The following ADAMTSL3 variants were observed in gnomAD, a reference collection of about 807,000 sequenced individuals.
ADAMTSL3 encodes the protein ADAMTS like 3, also known as ADAMTS-like protein 3.
A neutral mutation model predicts 201.7 loss-of-function variants in ADAMTSL3; 128 were observed. The observed-to-expected ratio is 0.63, with a 90% CI of 0.55 to 0.73. ADAMTSL3 has a LOEUF of 0.73. Ranked by LOEUF, ADAMTSL3 falls within the 30% of genes least tolerant of loss-of-function variation. The pLI is 0.00. For missense variants in ADAMTSL3, 1,990 were observed against 2,119.6 expected (o/e 0.94, Z 1.20); for synonymous variants, 738 against 748.4 (o/e 0.99, Z 0.23).
At chr15:83,775,427 C>T (rs1282673293) in intron 4 of ADAMTSL3, among the ~76,000 whole-genome samples, 3 of 151,826 alleles carry the variant, frequency 2.0e-5, no homozygotes, top group South Asian at 2.1e-4. Context: ...CCACTTTCAT[C>T]CTATTGTCAT....
At chr15:83,715,163 A>G (rs1283678959) in intron 3 of ADAMTSL3, among the ~76,000 whole-genome samples, 1 of 152,088 alleles carries the variant, frequency 6.6e-6, no homozygotes, top group African/African-American at 2.4e-5. Context: ...GTTTCAAGAA[A>G]ACACAATGCA....
intron 4 of ADAMTSL3, among the ~76,000 whole-genome samples, chr15:83,777,448 G>C (rs1189263814): frequency 2.0e-5 from 3 of 152,136 alleles, no homozygotes; most frequent in Non-Finnish European, 1.5e-5. Flanking sequence ...AACAAAGTTG[G>C]GGCCCAATAC....
chr15:83,703,625 G>T (rs2061805824), intron 2 of ADAMTSL3, among the ~76,000 whole-genome samples: 1 of 152,074 alleles, frequency 6.6e-6, no homozygotes, highest in Non-Finnish European at 1.5e-5. Flanking sequence ...CATGTCGGAA[G>T]TGCCTTTCAC....
At chr15:83,707,188 TACTTTACTTCCCTGTCCCTTA>T (rs1454253623) in intron 3 of ADAMTSL3, among the ~76,000 whole-genome samples, 1 of 152,220 alleles carries the variant, frequency 6.6e-6, no homozygotes, top group African/African-American at 2.4e-5. Flanking sequence ...TTGGACAAGT[TACTTTACTTCCCTGTCCCTTA>T]ATTTTCTCAT....
chr15:83,771,158 T>C (rs1203070945), intron 3 of ADAMTSL3, among the ~76,000 whole-genome samples: 2 of 121,002 alleles, frequency 1.7e-5, no homozygotes, highest in African/African-American at 3.5e-5. Flanking sequence ...CTTGATCTGT[T>C]TCTGGACTCT....
At chr15:83,677,281 A>G (rs1014643014) in intron 2 of ADAMTSL3, among the ~76,000 whole-genome samples, 5 of 152,190 alleles carry the variant, frequency 3.3e-5, no homozygotes, top group African/African-American at 1.2e-4. Flanking sequence ...TTAGATGTCA[A>G]TTAGATTTTG....
chr15:83,847,706 G>A (rs1292239191), intron 7 of ADAMTSL3, among the ~76,000 whole-genome samples: 2 of 151,852 alleles, frequency 1.3e-5, no homozygotes, highest in East Asian at 3.9e-4. Flanking sequence ...TGTTGGTCAG[G>A]CTGGTCTTGA....
chr15:83,869,846 A>C (rs574924537), intron 8 of ADAMTSL3, among the ~76,000 whole-genome samples: 1 of 152,224 alleles, frequency 6.6e-6, no homozygotes, highest in African/African-American at 2.4e-5. Flanking sequence ...TCCTCATTTT[A>C]GGTATGAGGC....
At chr15:83,823,063 C>T (rs1408856066) in intron 6 of ADAMTSL3, among the ~76,000 whole-genome samples, 2 of 151,812 alleles carry the variant, frequency 1.3e-5, no homozygotes, top group African/African-American at 4.8e-5. Context: ...GGCGTGGCGG[C>T]GCGCGCCTGC....
intron 3 of ADAMTSL3, among the ~76,000 whole-genome samples, chr15:83,755,793 G>A (rs559280168): frequency 2.7e-5 from 4 of 149,606 alleles, no homozygotes; most frequent in East Asian, 2.0e-4. Flanking sequence ...TTACTCTGTC[G>A]CCCAGGCTGG....
At chr15:83,676,848 C>T (rs2061412742) in intron 2 of ADAMTSL3, among the ~76,000 whole-genome samples, 1 of 152,242 alleles carries the variant, frequency 6.6e-6, no homozygotes, top group South Asian at 2.1e-4. Flanking sequence ...TGAGAAGACA[C>T]ATCTATGAAC....
At chr15:83,876,311 G>A (rs760128669) in intron 9 of ADAMTSL3, among the ~76,000 whole-genome samples, 13 of 151,592 alleles carry the variant, frequency 8.6e-5, no homozygotes, top group Admixed American at 5.3e-4. Context: ...TGTTTTGTTC[G>A]TTAACTCAGA....
At chr15:83,766,669 A>C (rs1341474365) in intron 3 of ADAMTSL3, among the ~76,000 whole-genome samples, 3 of 152,246 alleles carry the variant, frequency 2.0e-5, no homozygotes, top group African/African-American at 7.2e-5. Flanking sequence ...ACAGATGTCC[A>C]TAAAGAAAAT....
At chr15:83,831,341 T>C (rs777367538) in intron 6 of ADAMTSL3, among the ~76,000 whole-genome samples, 3 of 151,972 alleles carry the variant, frequency 2.0e-5, no homozygotes, top group Non-Finnish European at 4.4e-5. Flanking sequence ...TAGGCTGAAA[T>C]GAGTAGGGAT....
At chr15:83,857,260 C>T (rs528705925) in intron 7 of ADAMTSL3, among the ~76,000 whole-genome samples, 48 of 152,184 alleles carry the variant, frequency 3.2e-4, no homozygotes, top group Non-Finnish European at 5.6e-4. Context: ...TCCCCCATTC[C>T]GTGGGTTGCC....
chr15:84,012,755 A>C (rs2068027264), intron 23 of ADAMTSL3, among the ~76,000 whole-genome samples: 1 of 152,230 alleles, frequency 6.6e-6, no homozygotes, highest in South Asian at 2.1e-4. Flanking sequence ...AATTCTGCCT[A>C]CCATACTTGG....
intron 14 of ADAMTSL3, among the ~76,000 whole-genome samples, chr15:83,899,076 C>T (rs2065673214): frequency 6.6e-6 from 1 of 152,118 alleles, no homozygotes; most frequent in Non-Finnish European, 1.5e-5. Flanking sequence ...ATAGATTATT[C>T]CTTTCTTCAC....
chr15:84,031,327 T>C lies in ADAMTSL3; in HGVS notation c.4657-8T>C. On this transcript the variant is annotated splice_region_variant and splice_polypyrimidine_tract_variant and intron_variant, in intron 27 of 29. Transcript: ENST00000286744. ...GGATTTACACTGCACTGTGCTTTTT[T>C]GTTCCAGTGTCCTGGACGTTGCATG... The C allele has an allele frequency of 6.2e-7, 1 of 1,613,460 alleles. No homozygotes were observed. The highest frequency in any genetic ancestry group is 1.8e-4 in the Middle Eastern group (1 of 5,710).
At position 83,936,823 on chromosome 15, in the gene ADAMTSL3, C is replaced by A. The variant is rs193222895; in HGVS notation, c.2118-5773C>A. Among the ~76,000 whole-genome samples, 19 of 150,828 alleles carry A rather than the reference C, an allele frequency of 1.3e-4. 1 individual carries two copies. The highest frequency in any genetic ancestry group is 2.0e-4 in the African/African-American group (8 of 40,362). ...AAACTTAAACAAATTCAGCAAAAAA[C>A]CAAAAATCCCTTTAAAAAGTGGGCA... On this transcript the variant is annotated intron_variant, in intron 17 of 29. Transcript: ENST00000286744.
Sources: allele counts gnomAD v4.1 joint callset (sites outside exome capture counted in the v4.1 genomes callset), GRCh38; gene constraint gnomAD v4.1.1; transcripts MANE v1.5; gene names NCBI Gene and HGNC (gene_info 2026-07-23, HGNC 2026-07-21).